Variants in UPF1 observed in about 807,000 individuals in gnomAD.
UPF1 encodes the protein regulator of nonsense transcripts 1.
A neutral mutation model predicts 129.2 loss-of-function variants in UPF1; 9 were observed. That is an observed-to-expected ratio of 0.07 (90% confidence interval 0.04 to 0.12). The LOEUF (loss-of-function observed/expected upper bound fraction) is 0.12. Ranked by LOEUF, UPF1 falls within the 10% of genes least tolerant of loss-of-function variation. The pLI is 1.00. For synonymous variants in UPF1, 649 were observed against 644.9 expected, an observed-to-expected ratio of 1.01 and a Z score of -0.10; for missense variants, 788 against 1,525.3, an observed-to-expected ratio of 0.52 and a Z score of 8.05.
At chr19:18,864,879 C>T (rs912292479) in intron 20 of UPF1, among the ~76,000 whole-genome samples, 1 of 151,642 alleles carries the variant, frequency 6.6e-6, no homozygotes, top group African/African-American at 2.4e-5. Context: ...GCTGGGATTA[C>T]AAGCACCCAC....
At chr19:18,841,236 C>T (rs982431429) in intron 1 of UPF1, among the ~76,000 whole-genome samples, 1 of 152,300 alleles carries the variant, frequency 6.6e-6, no homozygotes, top group East Asian at 1.9e-4. Flanking sequence ...TTTTCTTCTC[C>T]CTGTTTTCTT....
chr19:18,846,435 G>A (rs1215007669), intron 2 of UPF1, among the ~76,000 whole-genome samples: 2 of 152,084 alleles, frequency 1.3e-5, no homozygotes, highest in Non-Finnish European at 2.9e-5. Context: ...AATTTGTCAT[G>A]GCATTGGGTG....
At chr19:18,839,186 G>A (rs2055514973) in intron 1 of UPF1, among the ~76,000 whole-genome samples, 1 of 152,098 alleles carries the variant, frequency 6.6e-6, no homozygotes, top group South Asian at 2.1e-4. Context: ...CTGCCTCCCG[G>A]GTTTAAGTGA....
In UPF1 at chr19:18,853,937, G is replaced by A. The variant is rs1004961807; in HGVS notation, c.1156+587G>A. The stretch of plus-strand genomic sequence containing the variant: ...TGCCTCTTGGTGACTGGCCAATGCT[G>A]CTGGGGCCTGACCATTCAGCGGTGG... On this transcript the variant is annotated intron_variant, in intron 8 of 23. Coordinates refer to ENST00000262803, the MANE Select transcript of UPF1 (RefSeq NM_002911.4). The surrounding 1 kb of genome is among the most constrained non-coding windows in gnomAD (Gnocchi z 4.4). Among the ~76,000 whole-genome samples the A allele has an allele frequency of 6.6e-6, 1 of 152,218 alleles. No individual in the cohort carries two copies. The highest frequency in any genetic ancestry group is 1.5e-5 in the Non-Finnish European group (1 of 68,044).
Position 18,850,392 on chromosome 19 carries a change from GT to G in UPF1, c.629+153del. The stretch of plus-strand genomic sequence containing the variant: ...TTGCTGAAGGGTGAGGCATGAGAGC[GT>G]TTAGGCGCTGAGGCTTGTTAAGGAG... On this transcript the variant is annotated intron_variant, in intron 4 of 23. Transcript: ENST00000262803. This position sits in a 1 kb window ranked among gnomAD's most constrained non-coding sequence, Gnocchi z 7.1. 1 of 1,183,700 alleles carries G rather than the reference GT, an allele frequency of 8.4e-7. No homozygotes were observed. Among genetic ancestry groups the G allele is most frequent in the Non-Finnish European group, 1.2e-6 (1 of 866,898 alleles). 73.3% of individuals were successfully genotyped at this position (1,183,700 alleles called of 1,614,324 possible). A position where few individuals can be genotyped will look rare whatever the true frequency, so the allele number is the denominator to read the frequency against.
In UPF1 at chr19:18,853,120, A is replaced by T; in HGVS notation, c.1057+49A>T. ...TGGTTAAGAGGTGATTTTAAGTTTT[A>T]AAATATTTGTGACCATAAGTAGCAT... On this transcript the variant is annotated intron_variant, in intron 7 of 23. Coordinates refer to ENST00000262803, the MANE Select transcript of UPF1 (RefSeq NM_002911.4). This position sits in a 1 kb window ranked among gnomAD's most constrained non-coding sequence, Gnocchi z 4.4. The T allele has an allele frequency of 1.2e-6, 2 of 1,610,876 alleles. No individual in the cohort carries two copies. Among genetic ancestry groups the T allele is most frequent in the South Asian group, 1.1e-5 (1 of 90,884 alleles).
chr19:18,841,086 CTT>C (rs1482840557), intron 1 of UPF1, among the ~76,000 whole-genome samples: 9 of 152,274 alleles, frequency 5.9e-5, no homozygotes, highest in Non-Finnish European at 1.3e-4. Flanking sequence ...GTCCTCACCT[CTT>C]TTTCAGTACG....
chr19:18,865,988 G>A lies in UPF1; in HGVS notation c.3238-56G>A. ...TTTCTCTGGGGCTGCTGAGGGCTGGGTGGATGTGAGCACCCTTGGCCTGTG... is the reference window on the plus strand; with the variant it reads ...TTTCTCTGGGGCTGCTGAGGGCTGGATGGATGTGAGCACCCTTGGCCTGTG... On this transcript the variant is annotated intron_variant, in intron 22 of 23. Transcript: ENST00000262803. This position sits in a 1 kb window ranked among gnomAD's most constrained non-coding sequence, Gnocchi z 6.1. 1 of 1,609,068 alleles carries A rather than the reference G, an allele frequency of 6.2e-7. No individual in the cohort carries two copies. The highest frequency in any genetic ancestry group is 1.3e-5 in the African/African-American group (1 of 74,718).
intron 15 of UPF1, among the ~76,000 whole-genome samples, chr19:18,857,817 TA>T (rs1473256100): frequency 3.9e-5 from 6 of 152,240 alleles, no homozygotes; most frequent in African/African-American, 1.4e-4. Flanking sequence ...GACAGGCTGT[TA>T]GGGGAGCTGA....
intron 18 of UPF1, 25 bp from the exon 19 acceptor site, chr19:18,863,413 C>G: frequency 2.5e-6 from 4 of 1,606,708 alleles, no homozygotes; most frequent in Non-Finnish European, 3.4e-6. Flanking sequence ...CCACCTGCGT[C>G]CTCAGCACTG....
Position 18,865,502 on chromosome 19 carries a change from G to A in UPF1, c.3019+52G>A. 6.2e-7 allele frequency: 1 copy of A among 1,612,502 alleles called. No homozygotes were observed. Among genetic ancestry groups the A allele is most frequent in the Non-Finnish European group, 8.5e-7 (1 of 1,178,922 alleles). On this transcript the variant is annotated intron_variant, in intron 21 of 23. Transcript: ENST00000262803. The surrounding 1 kb of genome is among the most constrained non-coding windows in gnomAD (Gnocchi z 6.1). The stretch of plus-strand genomic sequence containing the variant: ...GTGGCCCTCCTGAGAGCTCTTGAGG[G>A]TGTGCTTGTCTGCGAGGCCCTGGCC...
At chr19:18,858,753 G>C (rs2055745284) in intron 15 of UPF1, among the ~76,000 whole-genome samples, 1 of 152,008 alleles carries the variant, frequency 6.6e-6, no homozygotes. Flanking sequence ...TGCAGAAATG[G>C]GAGACAGGAC....
In UPF1 at chr19:18,865,192, T is replaced by G. The variant is rs1376402702; in HGVS notation, c.2858-97T>G. 7.1e-7 allele frequency: 1 copy of G among 1,410,484 alleles called. No homozygotes were observed. The highest frequency in any genetic ancestry group is 1.4e-5 in the African/African-American group (1 of 70,686). 87.4% of individuals were successfully genotyped at this position (1,410,484 alleles called of 1,614,324 possible). A position where few individuals can be genotyped will look rare whatever the true frequency, so the allele number is the denominator to read the frequency against. On this transcript the variant is annotated intron_variant, in intron 20 of 23. Coordinates refer to ENST00000262803, the MANE Select transcript of UPF1 (RefSeq NM_002911.4). This position sits in a 1 kb window ranked among gnomAD's most constrained non-coding sequence, Gnocchi z 6.1. ...TCAGCCTGGGCAGAGCCAGGACAGA[T>G]GTGCAGCTCCGGCTGACTGGCTGGT...
In UPF1 at chr19:18,853,835, G is replaced by A. The variant is rs545625832; in HGVS notation, c.1156+485G>A. Among the ~76,000 whole-genome samples the A allele has an allele frequency of 3.3e-5, 5 of 152,334 alleles. No homozygotes were observed. Among genetic ancestry groups the A allele is most frequent in the Non-Finnish European group, 7.3e-5 (5 of 68,036 alleles). On this transcript the variant is annotated intron_variant, in intron 8 of 23. Transcript: ENST00000262803. This position sits in a 1 kb window ranked among gnomAD's most constrained non-coding sequence, Gnocchi z 4.4. The stretch of plus-strand genomic sequence containing the variant: ...GCAGCCTGCCGGCCAGAGTGGGGCA[G>A]CTGTAAGGCACAGGTGCAGTCAGAG...
intron 1 of UPF1, among the ~76,000 whole-genome samples, chr19:18,843,628 C>T (rs1446372566): frequency 6.7e-6 from 1 of 149,446 alleles, no homozygotes; most frequent in East Asian, 2.0e-4. Flanking sequence ...AAGCGATTCT[C>T]CTGCACGGGG....
intron 19 of UPF1, among the ~76,000 whole-genome samples, 165 bp downstream of exon 19, chr19:18,863,777 C>G (rs547112171): frequency 2.6e-5 from 4 of 152,292 alleles, no homozygotes; most frequent in African/African-American, 7.2e-5. Context: ...TCTTGTCTCC[C>G]GAGCCGTGTG....
intron 1 of UPF1, among the ~76,000 whole-genome samples, chr19:18,840,285 G>T (rs746671482): frequency 6.6e-6 from 1 of 152,160 alleles, no homozygotes; most frequent in Non-Finnish European, 1.5e-5. Flanking sequence ...AACTGCCAGG[G>T]TACCGGCTGC....
At position 18,856,249 on chromosome 19, in the gene UPF1, C is replaced by T. The variant is rs772404262; in HGVS notation, c.1773C>T (p.Asp591=). 7 of 1,609,862 alleles carry T rather than the reference C, an allele frequency of 4.3e-6. No homozygotes were observed. The highest frequency in any genetic ancestry group is 1.7e-5 in the Admixed American group (1 of 59,974). ...AGACTGGGGAGCTGTCGTCTGCCGA[C>T]GAGAAGCGGTACCGGGCCTTGAAGC... is the stretch of plus-strand genomic sequence containing the variant. ...KDETGELSSA[D]EKRYRALKRT... The change falls in exon 13 of 24, where the codon GAC becomes GAT. Residue 591 remains aspartate, a synonymous_variant. Transcript: ENST00000262803.
At chr19:18,864,104 C>T (rs1601131066) in intron 19 of UPF1, 66 bp from the exon 20 acceptor site, 16 of 1,463,820 alleles carry the variant, frequency 1.1e-5, no homozygotes, top group South Asian at 3.4e-5. Context: ...CCCAGGCCAC[C>T]GGGCCCGTGG....
Sources: allele counts gnomAD v4.1 joint callset (sites outside exome capture counted in the v4.1 genomes callset), GRCh38; gene constraint gnomAD v4.1.1; non-coding constraint Gnocchi (gnomAD v3.1); transcripts MANE v1.5; gene names NCBI Gene and HGNC (gene_info 2026-07-23, HGNC 2026-07-21).